SYNDIG1: variants seen among roughly 807,000 people sequenced by gnomAD.
SYNDIG1 encodes the protein synapse differentiation-inducing gene protein 1.
Under a neutral mutation model 19.4 loss-of-function variants are expected in SYNDIG1, and 9 were observed. The ratio of observed to expected loss-of-function variants is 0.46; its 90% CI spans 0.28 to 0.81. The LOEUF is 0.81. Ranked by LOEUF, SYNDIG1 falls within the 30% of genes least tolerant of loss-of-function variation. SYNDIG1 has a pLI of 0.12. For missense variants in SYNDIG1, 311 were observed against 343.3 expected (o/e 0.91, Z 0.74); for synonymous variants, 141 against 145.9 (o/e 0.97, Z 0.24).
chr20:24,661,968 G>A (rs1300962982), intron 3 of SYNDIG1, among the ~76,000 whole-genome samples: 4 of 152,110 alleles, frequency 2.6e-5, no homozygotes, highest in Non-Finnish European at 5.9e-5. Flanking sequence ...AATGCAAATT[G>A]ACTTTGTCCC....
intron 3 of SYNDIG1, among the ~76,000 whole-genome samples, chr20:24,585,831 G>A (rs1236809757): frequency 1.3e-5 from 2 of 152,258 alleles, no homozygotes; most frequent in African/African-American, 4.8e-5. Flanking sequence ...TCGGGGTGGT[G>A]CTGCGCACCC....
At chr20:24,636,592 T>C (rs1302826420) in intron 3 of SYNDIG1, among the ~76,000 whole-genome samples, 1 of 152,186 alleles carries the variant, frequency 6.6e-6, no homozygotes, top group Non-Finnish European at 1.5e-5. Context: ...ACCTGGCCAG[T>C]GCCATGTTGT....
At chr20:24,556,722 T>C (rs1234803698) in intron 2 of SYNDIG1, among the ~76,000 whole-genome samples, 1 of 152,254 alleles carries the variant, frequency 6.6e-6, no homozygotes, top group Non-Finnish European at 1.5e-5. Context: ...GACGTTTCTC[T>C]CTAGCTGCCC....
chr20:24,479,051 C>T (rs2055716568), intron 1 of SYNDIG1, among the ~76,000 whole-genome samples: 1 of 152,330 alleles, frequency 6.6e-6, no homozygotes, highest in East Asian at 1.9e-4. Context: ...AATTTCTATT[C>T]AGAGCTTTAA....
chr20:24,491,016 G>A (rs995900623), intron 1 of SYNDIG1, among the ~76,000 whole-genome samples: 4 of 152,194 alleles, frequency 2.6e-5, no homozygotes, highest in African/African-American at 9.7e-5. Flanking sequence ...AGCTCCTCGT[G>A]CGTCTGGTTG....
At chr20:24,494,172 C>CGAGGACTGGATCACTGAGTGCAGATT (rs2056235556) in intron 1 of SYNDIG1, among the ~76,000 whole-genome samples, 1 of 152,134 alleles carries the variant, frequency 6.6e-6, no homozygotes, top group Non-Finnish European at 1.5e-5. Context: ...CGCGCATGGC[C>CGAGGACTGGATCACTGAGTGCAGATT]GAGGACTGGA....
At chr20:24,478,610 C>T (rs375300395) in intron 1 of SYNDIG1, among the ~76,000 whole-genome samples, 40 of 152,214 alleles carry the variant, frequency 2.6e-4, no homozygotes, top group African/African-American at 8.4e-4. Context: ...CCCCATGCAC[C>T]GTAGACAAAC....
chr20:24,625,384 A>ATTTTTTTTTTT (rs35759862), intron 3 of SYNDIG1, among the ~76,000 whole-genome samples: 2 of 115,278 alleles, frequency 1.7e-5, no homozygotes, highest in African/African-American at 6.8e-5. Context: ...TGCCTGGGAC[A>ATTTTTTTTTTT]TTTTTTTTTT....
chr20:24,600,467 C>T (rs2147119773), intron 3 of SYNDIG1, among the ~76,000 whole-genome samples: 1 of 152,276 alleles, frequency 6.6e-6, no homozygotes, highest in Non-Finnish European at 1.5e-5. Flanking sequence ...TCCAGCCATC[C>T]TTCCTCCTTA....
intron 2 of SYNDIG1, among the ~76,000 whole-genome samples, chr20:24,569,570 T>A (rs1172047350): frequency 6.6e-6 from 1 of 152,216 alleles, no homozygotes; most frequent in African/African-American, 2.4e-5. Context: ...AATCTCATGC[T>A]TTTTCTATTC....
chr20:24,650,275 T>C (rs920426076), intron 3 of SYNDIG1, among the ~76,000 whole-genome samples: 1 of 152,260 alleles, frequency 6.6e-6, no homozygotes, highest in African/African-American at 2.4e-5. Context: ...AAGCAGCGTT[T>C]GTACAAATGC....
chr20:24,492,291 G>A (rs1036597247), intron 1 of SYNDIG1, among the ~76,000 whole-genome samples: 1 of 152,204 alleles, frequency 6.6e-6, no homozygotes, highest in Non-Finnish European at 1.5e-5. Flanking sequence ...AGCAGCCCTT[G>A]AGCCTGGCCT....
At chr20:24,655,171 G>T (rs754515431) in intron 3 of SYNDIG1, among the ~76,000 whole-genome samples, 1 of 152,168 alleles carries the variant, frequency 6.6e-6, no homozygotes, top group Non-Finnish European at 1.5e-5. Flanking sequence ...GAGTGTGAAC[G>T]CCAGGAGGAA....
chr20:24,576,880 C>T (rs1038414135), intron 2 of SYNDIG1, among the ~76,000 whole-genome samples: 1 of 152,190 alleles, frequency 6.6e-6, no homozygotes, highest in South Asian at 2.1e-4. Flanking sequence ...CCATCCCCTT[C>T]CTCAGTTCTC....
intron 1 of SYNDIG1, among the ~76,000 whole-genome samples, chr20:24,492,748 A>G (rs992223720): frequency 3.3e-5 from 5 of 152,172 alleles, no homozygotes; most frequent in African/African-American, 1.2e-4. Context: ...TACCACCTGC[A>G]CGCCCATCCC....
chr20:24,479,075 A>G (rs537271289), intron 1 of SYNDIG1, among the ~76,000 whole-genome samples: 1 of 152,300 alleles, frequency 6.6e-6, no homozygotes, highest in African/African-American at 2.4e-5. Flanking sequence ...TTACAGAAAT[A>G]TATATTTGGT....
intron 2 of SYNDIG1, among the ~76,000 whole-genome samples, chr20:24,573,291 T>A (rs546216549): frequency 6.6e-6 from 1 of 152,304 alleles, no homozygotes; most frequent in Non-Finnish European, 1.5e-5. Flanking sequence ...TATGTCCCAG[T>A]CACGTAGATT....
At chr20:24,598,244 A>G (rs2058626507) in intron 3 of SYNDIG1, among the ~76,000 whole-genome samples, 1 of 151,902 alleles carries the variant, frequency 6.6e-6, no homozygotes, top group African/African-American at 2.4e-5. Context: ...AGCAAGGGCA[A>G]AGTGCTTTAG....
chr20:24,489,070 A>G (rs1000312164), intron 1 of SYNDIG1, among the ~76,000 whole-genome samples: 1 of 152,226 alleles, frequency 6.6e-6, no homozygotes, highest in Non-Finnish European at 1.5e-5. Context: ...CCTGACCCAG[A>G]AATGAACATC....
Sources: allele counts gnomAD v4.1 joint callset (sites outside exome capture counted in the v4.1 genomes callset), GRCh38; gene constraint gnomAD v4.1.1; transcripts MANE v1.5; gene names NCBI Gene and HGNC (gene_info 2026-07-23, HGNC 2026-07-21).